The following KLK13 variants were observed in gnomAD, a reference collection of about 807,000 sequenced individuals.
The protein encoded by KLK13 is kallikrein-13.
In KLK13, 19 loss-of-function variants were observed where a neutral mutation model predicts 22.4. The ratio of observed to expected loss-of-function variants is 0.85; its 90% CI spans 0.59 to 1.24. The LOEUF is 1.24. Ranked by LOEUF, KLK13 falls within the 50% of genes most tolerant of loss-of-function variation. The probability of loss-of-function intolerance (pLI) is 0.00; values close to 1 mark genes in which losing one functional copy is unlikely to be tolerated. For synonymous variants in KLK13, 156 were observed against 141.8 expected, an observed-to-expected ratio of 1.10 and a Z score of -0.71; for missense variants, 311 against 347.9, an observed-to-expected ratio of 0.89 and a Z score of 0.84.
At chr19:51,059,374 T>C (rs1262571302) in intron 3 of KLK13, among the ~76,000 whole-genome samples, 1 of 146,686 alleles carries the variant, frequency 6.8e-6, no homozygotes, top group Non-Finnish European at 1.5e-5. Flanking sequence ...TCATTTACAG[T>C]ATATAAATAT....
In KLK13 at chr19:51,065,056, C is replaced by G; in HGVS notation, c.12G>C (p.Leu4=). The part of the protein sequence containing the change: MWP[L]ALVIASLTLA... Reference sequence around the variant, plus strand: ...AGGTCAGGGAGGCGATCACTAGGGCCAGGGGCCACATGGCTCCGGGATCGG... The same window carrying G: ...AGGTCAGGGAGGCGATCACTAGGGCGAGGGGCCACATGGCTCCGGGATCGG... Residue 4 remains leucine (L), a synonymous_variant, in exon 1 of 5, where the codon CTG becomes CTC. Coordinates refer to ENST00000595793, the MANE Select transcript of KLK13 (RefSeq NM_015596.3). 7.2e-7 allele frequency: 1 copy of G among 1,390,828 alleles called. No homozygotes were observed. Among genetic ancestry groups the G allele is most frequent in the East Asian group, 3.3e-5 (1 of 29,856 alleles). The allele number at this position is 1,390,828 out of a possible 1,614,324, so 86.2% of individuals were successfully genotyped here.
At chr19:51,064,176 T>A (rs1194521676) in intron 1 of KLK13, among the ~76,000 whole-genome samples, 1 of 151,804 alleles carries the variant, frequency 6.6e-6, no homozygotes, top group Non-Finnish European at 1.5e-5. Context: ...TAGAAGGTTC[T>A]GGAAGGGGCT....
At chr19:51,060,115 G>C (rs765627211) in intron 2 of KLK13, 22 bp from the exon 3 acceptor site, 2 of 1,611,540 alleles carry the variant, frequency 1.2e-6, no homozygotes, top group Non-Finnish European at 1.7e-6. Flanking sequence ...GAAAGAAGGT[G>C]GTTAGGAAAG....
At chr19:51,062,096 T>C (rs778626267) in intron 1 of KLK13, among the ~76,000 whole-genome samples, 2 of 151,992 alleles carry the variant, frequency 1.3e-5, no homozygotes, top group Non-Finnish European at 2.9e-5. Context: ...GAAGTAAAAC[T>C]AAATTAAAAA....
At chr19:51,058,763 T>A in intron 3 of KLK13, 89 bp from the exon 4 acceptor site, 1 of 1,293,832 alleles carries the variant, frequency 7.7e-7, no homozygotes, top group Non-Finnish European at 1.1e-6. Context: ...GGGTAAAGAG[T>A]AGATAGAAAA....
intron 3 of KLK13, among the ~76,000 whole-genome samples, chr19:51,058,883 G>C (rs1393321211): frequency 6.6e-6 from 1 of 152,000 alleles, no homozygotes; most frequent in African/African-American, 2.4e-5. Context: ...GGAGAGATGA[G>C]GAGAAAAGTG....
At chr19:51,065,620 G>T (rs992231637), upstream of KLK13, among the ~76,000 whole-genome samples, 4 of 124,004 alleles carry the variant, frequency 3.2e-5, no homozygotes, top group Non-Finnish European at 5.3e-5. Flanking sequence ...CCCCGCCCCC[G>T]CCCCAGGCAG....
Position 51,065,079 on chromosome 19 carries a change from C to T in KLK13, c.-12G>A. On this transcript the variant is annotated 5_prime_UTR_variant, in exon 1 of 5. Transcript: ENST00000595793. Reference sequence around the variant, plus strand: ...GCCAGGGGCCACATGGCTCCGGGATCGGGAGGGGAGGGCAGGGCGGGCGGG... The same window carrying T: ...GCCAGGGGCCACATGGCTCCGGGATTGGGAGGGGAGGGCAGGGCGGGCGGG... 5.9e-6 allele frequency: 2 copies of T among 336,922 alleles called. No individual in the cohort carries two copies. Among genetic ancestry groups the T allele is most frequent in the Non-Finnish European group, 1.2e-5 (2 of 173,352 alleles). The allele number at this position is 336,922 out of a possible 1,614,324, so 20.9% of individuals were successfully genotyped here.
intron 1 of KLK13, chr19:51,063,498 C>G (rs1478158522): frequency 2.8e-6 from 1 of 358,322 alleles, no homozygotes; most frequent in Non-Finnish European, 5.5e-6. Flanking sequence ...CTGACTCAGG[C>G]ATCGCCGGTG....
chr19:51,060,450 G>T lies in KLK13; in HGVS notation c.222C>A (p.Ala74=). 1 of 1,611,330 alleles carries T rather than the reference G, an allele frequency of 6.2e-7. No individual in the cohort carries two copies. Among genetic ancestry groups the T allele is most frequent in the East Asian group, 2.2e-5 (1 of 44,822 alleles). Residue 74 remains alanine, a synonymous_variant, in exon 2 of 5, where the codon GCC becomes GCA. Transcript: ENST00000595793. ...VLVHPKWVLT[A]AHCLKEGLKV... ...CCACATACTCCTTTAGACAGTGTGC[G>T]GCAGTGAGGACCCATTTGGGGTGGA... is the stretch of plus-strand genomic sequence containing the variant.
intron 4 of KLK13, among the ~76,000 whole-genome samples, chr19:51,057,847 TC>T (rs2091689865): frequency 6.6e-6 from 1 of 152,126 alleles, no homozygotes; most frequent in African/African-American, 2.4e-5. Context: ...CCACTTCCAA[TC>T]CATGCAGTTT....
At chr19:51,059,199 A>G (rs976803939) in intron 3 of KLK13, among the ~76,000 whole-genome samples, 10 of 151,974 alleles carry the variant, frequency 6.6e-5, no homozygotes, top group South Asian at 2.1e-4. Context: ...CTTTATATTC[A>G]CATATATAAT....
chr19:51,062,956 T>A (rs2091743955), intron 1 of KLK13, among the ~76,000 whole-genome samples: 1 of 151,838 alleles, frequency 6.6e-6, no homozygotes, highest in African/African-American at 2.4e-5. Flanking sequence ...GAGCACAGGA[T>A]CATTTTAGAT....
At chr19:51,064,561 C>A in intron 1 of KLK13, 1 of 491,762 alleles carries the variant, frequency 2.0e-6, no homozygotes, top group South Asian at 1.5e-5. Flanking sequence ...TTTCAAGTCC[C>A]TTCTACCTGC....
Position 51,065,008 on chromosome 19 carries a change from A to C in KLK13, c.52+8T>G. The C allele has an allele frequency of 2.9e-6, 4 of 1,356,636 alleles. No individual in the cohort carries two copies. Among genetic ancestry groups the C allele is most frequent in the Non-Finnish European group, 2.9e-6 (3 of 1,025,178 alleles). The allele number at this position is 1,356,636 out of a possible 1,614,324, so 84.0% of individuals were successfully genotyped here. A position where few individuals can be genotyped will look rare whatever the true frequency, so the allele number is the denominator to read the frequency against. Reference sequence around the variant, plus strand: ...GGCCGCCGCGCCTCCACCCCCGCGCATTCTTACCTCCTGACAAGGCCAAGG... The same window carrying C: ...GGCCGCCGCGCCTCCACCCCCGCGCCTTCTTACCTCCTGACAAGGCCAAGG... On this transcript the variant is annotated splice_region_variant and intron_variant, in intron 1 of 4. Coordinates refer to ENST00000595793, the MANE Select transcript of KLK13 (RefSeq NM_015596.3).
intron 3 of KLK13, 104 bp downstream of exon 3, chr19:51,059,721 A>G: frequency 1.3e-6 from 1 of 763,256 alleles, no homozygotes; most frequent in Non-Finnish European, 1.8e-6. Context: ...ACTTATTTAT[A>G]TTTTTATATA....
At chr19:51,064,760 G>A (rs1172627773) in intron 1 of KLK13, 9 of 645,324 alleles carry the variant, frequency 1.4e-5, no homozygotes, top group African/African-American at 1.3e-4. Context: ...GAGAGGACAG[G>A]AAGCCTTGAA....
rs1186734247 is a variant in KLK13 at position 51,058,640 on chromosome 19, G to A, written c.543C>T (p.Ile181=). Residue 181 remains isoleucine (I), a synonymous_variant, in exon 4 of 5, where the codon ATC becomes ATT. Coordinates refer to ENST00000595793, the MANE Select transcript of KLK13 (RefSeq NM_015596.3). ...GACACTCCTCATCTGAGCGAAGTTG[G>A]ATGTTGGCACATTGTAGAGTTTTGG... ...NYPKTLQCAN[I]QLRSDEECRQ... is the part of the protein sequence containing the mutation. 6.2e-7 allele frequency: 1 copy of A among 1,614,182 alleles called. No homozygotes were observed. The highest frequency in any genetic ancestry group is 1.1e-5 in the South Asian group (1 of 91,082).
intron 1 of KLK13, chr19:51,064,459 G>T: frequency 3.8e-6 from 1 of 262,970 alleles, no homozygotes; most frequent in Non-Finnish European, 7.3e-6. Flanking sequence ...CTGCCTTCCA[G>T]CCTGGGAGAC....
Sources: gnomAD v4.1 joint callset for allele counts (sites outside exome capture counted in the v4.1 genomes callset) on GRCh38, gnomAD v4.1.1 for gene constraint, MANE v1.5 for transcripts, NCBI Gene and HGNC (gene_info 2026-07-23, HGNC 2026-07-21) for gene names.